GRID2: variants seen among roughly 807,000 people sequenced by gnomAD.
The protein encoded by GRID2 is glutamate receptor ionotropic, delta-2.
In GRID2, 33 loss-of-function variants were observed where a neutral mutation model predicts 114.8. The observed-to-expected ratio is 0.29, with a 90% confidence interval of 0.22 to 0.38. The LOEUF is 0.38. Ranked by LOEUF, GRID2 falls within the 10% of genes least tolerant of loss-of-function variation. The pLI is 1.00. For synonymous variants in GRID2, 505 were observed against 449.9 expected (o/e 1.12, Z -1.55); for missense variants, 1,184 against 1,257.7 (o/e 0.94, Z 0.89).
intron 4 of GRID2, among the ~76,000 whole-genome samples, chr4:93,177,816 CTAG>C (rs1739487756): frequency 6.6e-6 from 1 of 152,004 alleles, no homozygotes; most frequent in African/African-American, 2.4e-5. Context: ...CTACCATTAA[CTAG>C]TAGTTTTAGC....
intron 4 of GRID2, among the ~76,000 whole-genome samples, chr4:93,175,828 G>A (rs1297175508): frequency 6.6e-6 from 1 of 152,086 alleles, no homozygotes; most frequent in Non-Finnish European, 1.5e-5. Flanking sequence ...TGAGGAGCCT[G>A]GTTCTCTAGG....
chr4:93,324,032 C>A (rs1328307995), intron 8 of GRID2, among the ~76,000 whole-genome samples: 1 of 152,038 alleles, frequency 6.6e-6, no homozygotes, highest in Non-Finnish European at 1.5e-5. Flanking sequence ...GATTGAGTAC[C>A]CTGTATTTCT....
At chr4:92,959,717 A>T (rs1211778381) in intron 2 of GRID2, among the ~76,000 whole-genome samples, 1 of 152,132 alleles carries the variant, frequency 6.6e-6, no homozygotes, top group African/African-American at 2.4e-5. Flanking sequence ...GACATGGATG[A>T]AGCTGGAAGC....
rs556059603 is a variant in GRID2, at chr4:92,580,113, A to G, written c.89-10018A>G. On this transcript the variant is annotated intron_variant, in intron 1 of 15. Transcript: ENST00000282020. ...TATATATTGCAGCTAATAAATACCTAGAAAATTTGCCGTCCTTCTGAGGGA... is the reference window on the plus strand; with the variant it reads ...TATATATTGCAGCTAATAAATACCTGGAAAATTTGCCGTCCTTCTGAGGGA... Among the ~76,000 whole-genome samples, 7 of 150,540 alleles carry G rather than the reference A, an allele frequency of 4.6e-5. No homozygotes were observed. The East Asian group carries it at 1.4e-3, about 29-fold the overall frequency.
chr4:93,618,924 A>G (rs1317029275), intron 13 of GRID2, among the ~76,000 whole-genome samples: 2 of 152,206 alleles, frequency 1.3e-5, no homozygotes, highest in African/African-American at 4.8e-5. Context: ...CTATTTTCCT[A>G]GAATGCTTTT....
intron 2 of GRID2, among the ~76,000 whole-genome samples, chr4:92,912,695 A>G (rs1363343408): frequency 6.6e-6 from 1 of 151,852 alleles, no homozygotes; most frequent in Non-Finnish European, 1.5e-5. Context: ...AAATTTTGTG[A>G]TATTATTTAA....
At chr4:93,447,491 A>G (rs1461478688) in intron 10 of GRID2, among the ~76,000 whole-genome samples, 1 of 152,026 alleles carries the variant, frequency 6.6e-6, no homozygotes, top group Non-Finnish European at 1.5e-5. Flanking sequence ...GTACACCACA[A>G]TTAAGAAAAA....
intron 13 of GRID2, among the ~76,000 whole-genome samples, chr4:93,536,324 T>C (rs539291612): frequency 6.6e-6 from 1 of 151,836 alleles, no homozygotes; most frequent in Non-Finnish European, 1.5e-5. Flanking sequence ...GCTGTGGTAA[T>C]CAACATAGTA....
At chr4:93,106,558 G>T (rs1732253730) in intron 3 of GRID2, among the ~76,000 whole-genome samples, 1 of 152,028 alleles carries the variant, frequency 6.6e-6, no homozygotes, top group South Asian at 2.1e-4. Context: ...CCTGACCTCA[G>T]GCAATCCACC....
At chr4:92,319,789 C>T (rs1726209423) in intron 1 of GRID2, among the ~76,000 whole-genome samples, 1 of 152,136 alleles carries the variant, frequency 6.6e-6, no homozygotes, top group Non-Finnish European at 1.5e-5. Flanking sequence ...TGAAATTTTA[C>T]ATTGTTTGTC....
intron 2 of GRID2, among the ~76,000 whole-genome samples, chr4:92,637,269 T>A (rs1289517767): frequency 1.3e-5 from 2 of 152,044 alleles, no homozygotes; most frequent in Non-Finnish European, 1.5e-5. Context: ...ATCATTTTCA[T>A]CTAAGAAGCA....
intron 14 of GRID2, among the ~76,000 whole-genome samples, chr4:93,627,873 G>A (rs1007985065): frequency 6.6e-6 from 1 of 152,122 alleles, no homozygotes; most frequent in South Asian, 2.1e-4. Context: ...GGGAAGGAAG[G>A]AGTAAAGGAT....
At chr4:93,366,511 T>C (rs1287359288) in intron 8 of GRID2, among the ~76,000 whole-genome samples, 2 of 152,090 alleles carry the variant, frequency 1.3e-5, no homozygotes. Flanking sequence ...TGCCTGAAAC[T>C]TCATTAGCAA....
chr4:93,173,354 A>G (rs1739033776), intron 4 of GRID2, among the ~76,000 whole-genome samples: 1 of 152,148 alleles, frequency 6.6e-6, no homozygotes, highest in African/African-American at 2.4e-5. Flanking sequence ...ACTAACAGCT[A>G]TGAGTCTTTC....
At chr4:93,063,821 T>G (rs1728019248) in intron 2 of GRID2, among the ~76,000 whole-genome samples, 1 of 151,738 alleles carries the variant, frequency 6.6e-6, no homozygotes, top group Non-Finnish European at 1.5e-5. Context: ...ATTTAGGAAG[T>G]TATATATCCA....
At chr4:92,492,656 A>G (rs1393206976) in intron 1 of GRID2, among the ~76,000 whole-genome samples, 1 of 152,156 alleles carries the variant, frequency 6.6e-6, no homozygotes. Context: ...AGTAAGTGGT[A>G]TCTCTGTAAA....
chr4:93,647,611 G>A (rs532358344), intron 14 of GRID2, among the ~76,000 whole-genome samples: 1 of 152,194 alleles, frequency 6.6e-6, no homozygotes, highest in South Asian at 2.1e-4. Context: ...TTCATCTTAG[G>A]TCATATGTTT....
intron 8 of GRID2, among the ~76,000 whole-genome samples, chr4:93,328,359 T>C (rs1342162238): frequency 1.3e-5 from 2 of 152,152 alleles, no homozygotes; most frequent in Non-Finnish European, 2.9e-5. Flanking sequence ...ATTATTTTCA[T>C]TGTATGAAAA....
intron 4 of GRID2, among the ~76,000 whole-genome samples, chr4:93,192,500 G>A (rs1181831391): frequency 6.6e-6 from 1 of 152,052 alleles, no homozygotes; most frequent in Admixed American, 6.6e-5. Flanking sequence ...CCAGCACTTT[G>A]GAAGGCCAAG....
Sources: gnomAD v4.1 joint callset for allele counts (sites outside exome capture counted in the v4.1 genomes callset) on GRCh38, gnomAD v4.1.1 for gene constraint, MANE v1.5 for transcripts, NCBI Gene and HGNC (gene_info 2026-07-23, HGNC 2026-07-21) for gene names.